ST3GAL2: variants seen among roughly 807,000 people sequenced by gnomAD.
ST3GAL2 encodes the protein ST3 beta-galactoside alpha-2,3-sialyltransferase 2.
In ST3GAL2, 16 loss-of-function variants were observed where a neutral mutation model predicts 37.5. That is an observed-to-expected ratio of 0.43 (90% CI 0.29 to 0.65). The LOEUF is 0.65. ST3GAL2 is among the 30% of genes least tolerant of loss of function. The pLI is 0.17. For synonymous variants in ST3GAL2, 238 were observed against 202.9 expected (o/e 1.17, Z -1.47); for missense variants, 383 against 487.8 (o/e 0.79, Z 2.02).
At chr16:70,433,342 T>C (rs903528056) in intron 1 of ST3GAL2, among the ~76,000 whole-genome samples, 11 of 152,118 alleles carry the variant, frequency 7.2e-5, no homozygotes, top group Admixed American at 2.0e-4. Flanking sequence ...TGCTGCCAGT[T>C]TGCCCTCGGT....
rs1333692319 is a variant in ST3GAL2 at position 70,380,155 on chromosome 16, C to T, written c.*1534G>A. 1 of 152,076 alleles carries T rather than the reference C, an allele frequency of 6.6e-6. No homozygotes were observed. The highest frequency in any genetic ancestry group is 1.5e-5 in the Non-Finnish European group (1 of 68,072). The allele number at this position is 152,076 out of a possible 1,614,324, so 9.4% of individuals were successfully genotyped here. ...ATTCTACTAACCCCACCCCAATCACCCCTATTTTTACTCTTTCTACTTTCG... is the reference window on the plus strand; with the variant it reads ...ATTCTACTAACCCCACCCCAATCACTCCTATTTTTACTCTTTCTACTTTCG... On this transcript the variant is annotated 3_prime_UTR_variant, in exon 7 of 7. Transcript: ENST00000342907.
At chr16:70,415,554 C>A (rs1008581042) in intron 1 of ST3GAL2, among the ~76,000 whole-genome samples, 2 of 151,960 alleles carry the variant, frequency 1.3e-5, no homozygotes, top group East Asian at 1.9e-4. Context: ...CGGGTTCAAG[C>A]GATTCTCCTG....
intron 5 of ST3GAL2, 55 bp from the exon 6 acceptor site, chr16:70,382,979 C>A: frequency 6.3e-7 from 1 of 1,598,308 alleles, no homozygotes; most frequent in Admixed American, 1.8e-5. Flanking sequence ...GAGATTCAGG[C>A]TAGACTGAGC....
chr16:70,431,312 AGGCTGCTGACCTGCTGAGGCTGGGG>A (rs1016826175), intron 1 of ST3GAL2, among the ~76,000 whole-genome samples: 3 of 152,158 alleles, frequency 2.0e-5, no homozygotes, highest in African/African-American at 7.2e-5. Flanking sequence ...CTCCCTCCAA[AGGCTGCTGACCTGCTGAGGCTGGGG>A]GGCTGCTGCC....
chr16:70,438,542 TG>T (rs930135144), intron 1 of ST3GAL2, among the ~76,000 whole-genome samples: 2 of 149,610 alleles, frequency 1.3e-5, no homozygotes, highest in Admixed American at 6.6e-5. Flanking sequence ...TGGCCAAGAG[TG>T]GGGCCGGGGT....
At chr16:70,402,654 AT>A (rs547860238) in intron 1 of ST3GAL2, among the ~76,000 whole-genome samples, 3 of 151,446 alleles carry the variant, frequency 2.0e-5, no homozygotes, top group Non-Finnish European at 3.0e-5. Flanking sequence ...GTACAGAAGT[AT>A]TTTTTTTTCT....
intron 1 of ST3GAL2, among the ~76,000 whole-genome samples, chr16:70,435,041 G>T (rs7195086): frequency 0.08 from 12,253 of 152,232 alleles, 1,642 homozygotes; most frequent in African/African-American, 0.28. Flanking sequence ...AACCCACTTG[G>T]TTGGGGAAAC....
rs148559292 is a variant in ST3GAL2 at position 70,394,859 on chromosome 16, G to T, written c.533+123C>A. 9.3e-4 allele frequency: 1,023 copies of T among 1,103,950 alleles called. 1 individual carries two copies. Among genetic ancestry groups the T allele is most frequent in the Middle Eastern group, 5.1e-3 (17 of 3,356 alleles). 68.4% of individuals were successfully genotyped at this position (1,103,950 alleles called of 1,614,324 possible). A position where few individuals can be genotyped will look rare whatever the true frequency, so the allele number is the denominator to read the frequency against. On this transcript the variant is annotated intron_variant, in intron 3 of 6. Coordinates refer to ENST00000342907, the MANE Select transcript of ST3GAL2 (RefSeq NM_006927.4). ...CCAAGCCTGCTGTGAAAGACTCTGG[G>T]AGGCAGGGCCCCACAGCACACCGGT...
chr16:70,431,352 C>T (rs914092191), intron 1 of ST3GAL2, among the ~76,000 whole-genome samples: 1 of 152,324 alleles, frequency 6.6e-6, no homozygotes. Context: ...GCTGCCTGCC[C>T]GCAGGGCTAG....
At chr16:70,389,070 GTCT>G (rs1235834068) in intron 3 of ST3GAL2, among the ~76,000 whole-genome samples, 1 of 101,706 alleles carries the variant, frequency 9.8e-6, no homozygotes, top group African/African-American at 4.6e-5. Flanking sequence ...CAAGACTCTT[GTCT>G]CCAAAAAAAA....
chr16:70,418,095 G>A (rs900852511), intron 1 of ST3GAL2, among the ~76,000 whole-genome samples: 16 of 152,170 alleles, frequency 1.1e-4, no homozygotes, highest in Non-Finnish European at 4.4e-5. Context: ...TGCATGTCTG[G>A]AGAATGCTTT....
intron 1 of ST3GAL2, among the ~76,000 whole-genome samples, chr16:70,405,578 A>G (rs1209125291): frequency 6.6e-6 from 1 of 151,210 alleles, no homozygotes; most frequent in Non-Finnish European, 1.5e-5. Context: ...GAAAAAAAGG[A>G]ATAAGGCACA....
chr16:70,428,190 G>A (rs1335870048), intron 1 of ST3GAL2, among the ~76,000 whole-genome samples: 1 of 152,242 alleles, frequency 6.6e-6, no homozygotes, highest in African/African-American at 2.4e-5. Context: ...AGTCTTGCCA[G>A]GTTTGTCCCC....
Position 70,395,149 on chromosome 16 carries a change from G to C in ST3GAL2, c.366C>G (p.His122Gln). Residue 122 changes from histidine (H) to glutamine (Q), a missense_variant, in exon 3 of 7, where the codon CAC becomes CAG. Transcript: ENST00000342907. The stretch of plus-strand genomic sequence containing the variant: ...GCTTCTCCAGCACCTCATTGGTGTT[G>C]TGTGACTTGAACTGGGGCTGCAGCA... ...WMMLQPQFKS[H>Q]NTNEVLEKLF... The C allele has an allele frequency of 6.2e-7, 1 of 1,608,966 alleles. No homozygotes were observed. The highest frequency in any genetic ancestry group is 1.7e-4 in the Middle Eastern group (1 of 6,038).
chr16:70,426,319 G>A (rs562927623), intron 1 of ST3GAL2, among the ~76,000 whole-genome samples: 2 of 146,932 alleles, frequency 1.4e-5, no homozygotes, highest in South Asian at 4.4e-4. Context: ...TCAGCCTCCC[G>A]AGTAGCTGGG....
At chr16:70,389,873 G>A (rs556661934) in intron 3 of ST3GAL2, among the ~76,000 whole-genome samples, 2 of 150,256 alleles carry the variant, frequency 1.3e-5, no homozygotes, top group South Asian at 2.1e-4. Context: ...TGGAAGCTCC[G>A]CCTCCTGGGT....
intron 1 of ST3GAL2, among the ~76,000 whole-genome samples, chr16:70,416,790 G>A (rs1158550475): frequency 1.3e-5 from 2 of 152,070 alleles, no homozygotes; most frequent in Non-Finnish European, 2.9e-5. Context: ...ATCTGAGCCT[G>A]TGGGAAAGGG....
chr16:70,406,459 C>T (rs1260740613), intron 1 of ST3GAL2, among the ~76,000 whole-genome samples: 2 of 151,798 alleles, frequency 1.3e-5, no homozygotes, highest in Non-Finnish European at 2.9e-5. Context: ...TGCAATGAGC[C>T]GAGATTATGC....
At chr16:70,406,060 C>T (rs1233708545) in intron 1 of ST3GAL2, among the ~76,000 whole-genome samples, 3 of 108,376 alleles carry the variant, frequency 2.8e-5, no homozygotes, top group African/African-American at 1.0e-4. Context: ...GACTCCGTCT[C>T]AAAAAAAAAA....
Sources: gnomAD v4.1 joint callset for allele counts (sites outside exome capture counted in the v4.1 genomes callset) on GRCh38, gnomAD v4.1.1 for gene constraint, MANE v1.5 for transcripts, NCBI Gene and HGNC (gene_info 2026-07-23, HGNC 2026-07-21) for gene names.